Variants in PDE1A observed in about 807,000 individuals in gnomAD.
The protein encoded by PDE1A is dual specificity calcium/calmodulin-dependent 3',5'-cyclic nucleotide phosphodiesterase 1A.
PDE1A carries 35 observed loss-of-function variants against 61.7 expected under a neutral mutation model. The observed-to-expected ratio is 0.57, with a 90% CI of 0.43 to 0.75. PDE1A has a LOEUF of 0.75. PDE1A is among the 30% of genes least tolerant of loss of function. PDE1A has a pLI of 0.00. For missense variants in PDE1A, 597 were observed against 630.6 expected (o/e 0.95, Z 0.57); for synonymous variants, 232 against 213.2 (o/e 1.09, Z -0.77).
At position 182,198,603 on chromosome 2, in the gene PDE1A, T is replaced by C. The variant is rs185549661; in HGVS notation, c.1125+2836A>G. ...ATCTATAGGGTTGATAATTAATATA[T>C]TTTTTCCTTTATTTCCTTTAATATG... On this transcript the variant is annotated intron_variant, in intron 10 of 13. Transcript: ENST00000351439. Among the ~76,000 whole-genome samples the C allele has an allele frequency of 1.3e-4, 18 of 142,114 alleles. No individual in the cohort carries two copies. In the East Asian group the frequency reaches 1.5e-3, roughly 12 times the overall value. The allele number at this position is 142,114 out of a possible 152,430, so 93.2% of individuals were successfully genotyped here. A position where few individuals can be genotyped will look rare whatever the true frequency, so the allele number is the denominator to read the frequency against.
chr2:182,646,296 T>TAA, the PDE1A span, among the ~76,000 whole-genome samples: 1 of 114,370 alleles, frequency 8.7e-6, no homozygotes. Context: ...AAAAATACAT[T>TAA]AAAAAAAAAA....
chr2:182,258,457 A>T (rs1265544571), intron 2 of PDE1A, among the ~76,000 whole-genome samples: 1 of 152,232 alleles, frequency 6.6e-6, no homozygotes, highest in East Asian at 1.9e-4. Context: ...ACCATTCTCA[A>T]GAACTTTAGG....
In PDE1A at chr2:182,315,116, TC is replaced by T. The variant is rs1696252035; in HGVS notation, c.54-50703del. ...TGATTAATAATACTCCTTGATTAAT[TC>T]TTAAATTTTACCTTTTAAATTGTAA... On this transcript the variant is annotated intron_variant, in intron 1 of 13. Transcript: ENST00000351439. Among the ~76,000 whole-genome samples the T allele has an allele frequency of 1.3e-5, 2 of 152,198 alleles. 1 individual carries two copies. The highest frequency in any genetic ancestry group is 4.1e-4 in the South Asian group (2 of 4,830).
chr2:182,168,352 G>A, intron 13 of PDE1A: 1 of 1,420,352 alleles, frequency 7.0e-7, no homozygotes, highest in Non-Finnish European at 9.5e-7. Flanking sequence ...AAGAAGTTAT[G>A]AAAAAAAGTA....
chr2:182,628,177 T>C, the PDE1A span, among the ~76,000 whole-genome samples: 1 of 152,094 alleles, frequency 6.6e-6, no homozygotes, highest in Non-Finnish European at 1.5e-5. Flanking sequence ...AATCCGATTA[T>C]TGTTATCGCT....
At chr2:182,547,830 T>G in the PDE1A span, among the ~76,000 whole-genome samples, 1 of 152,240 alleles carries the variant, frequency 6.6e-6, no homozygotes, top group Non-Finnish European at 1.5e-5. Flanking sequence ...AATGGCATCA[T>G]GTGAATTAAC....
At chr2:182,304,749 C>T (rs1212458616) in intron 1 of PDE1A, among the ~76,000 whole-genome samples, 1 of 152,046 alleles carries the variant, frequency 6.6e-6, no homozygotes, top group East Asian at 1.9e-4. Context: ...TTGAGTTGGC[C>T]ATCTTATATG....
the PDE1A span, among the ~76,000 whole-genome samples, chr2:182,572,994 T>C: frequency 6.6e-6 from 1 of 152,124 alleles, no homozygotes; most frequent in African/African-American, 2.4e-5. Context: ...CTAACTTTCC[T>C]TTTTAGAGGA....
intron 2 of PDE1A, chr2:182,522,264 G>C (rs377330870): frequency 1.2e-4 from 186 of 1,606,140 alleles, no homozygotes; most frequent in Non-Finnish European, 1.5e-4. Context: ...AAAAAGCAAA[G>C]AGCATACTCA....
intron 1 of PDE1A, among the ~76,000 whole-genome samples, chr2:182,264,835 C>G (rs1055819180): frequency 2.4e-5 from 3 of 123,528 alleles, no homozygotes; most frequent in African/African-American, 9.5e-5. Flanking sequence ...ACCTAAGTGC[C>G]CATTGACCAA....
intron 2 of PDE1A, among the ~76,000 whole-genome samples, chr2:182,469,472 C>T (rs534175756): frequency 5.7e-4 from 87 of 152,022 alleles, no homozygotes; most frequent in African/African-American, 2.0e-3. Context: ...GGCCTTGCTC[C>T]GAATTAGGCT....
chr2:182,463,232 C>T (rs1368223540), intron 2 of PDE1A, among the ~76,000 whole-genome samples: 1 of 149,870 alleles, frequency 6.7e-6, no homozygotes, highest in Non-Finnish European at 1.5e-5. Flanking sequence ...AAGCGAGTCT[C>T]CATCTCAAAA....
chr2:182,429,817 T>G (rs562946513), upstream of PDE1A, among the ~76,000 whole-genome samples: 7 of 152,302 alleles, frequency 4.6e-5, no homozygotes, highest in East Asian at 1.4e-3. Flanking sequence ...GCTGTGTTTG[T>G]AATACACAAG....
chr2:182,629,366 T>C, the PDE1A span, among the ~76,000 whole-genome samples: 1 of 152,092 alleles, frequency 6.6e-6, no homozygotes, highest in Admixed American at 6.5e-5. Flanking sequence ...ACAAGAACAT[T>C]CCCCTTCTCT....
chr2:182,275,834 A>T (rs1265715747), intron 1 of PDE1A, among the ~76,000 whole-genome samples: 1 of 152,130 alleles, frequency 6.6e-6, no homozygotes, highest in Non-Finnish European at 1.5e-5. Flanking sequence ...TCAACCAGTC[A>T]TAACTTCTTA....
chr2:182,246,439 C>T (rs1169403356), intron 2 of PDE1A, among the ~76,000 whole-genome samples: 1 of 115,792 alleles, frequency 8.6e-6, no homozygotes, highest in Non-Finnish European at 1.6e-5. Context: ...AGTCTTGCTC[C>T]GTCGCTCAGG....
rs535091621 is a variant in PDE1A at position 182,406,449 on chromosome 2, CATTT to C, written c.53+20125_53+20128del. Among the ~76,000 whole-genome samples the C allele has an allele frequency of 6.6e-5, 10 of 152,000 alleles. No homozygotes were observed. The South Asian group carries it at 8.3e-4, about 13-fold the overall frequency. On this transcript the variant is annotated intron_variant, in intron 1 of 13. Transcript: ENST00000351439. ...ACATTTTAGGCGTTTGCTTATTATT[CATTT>C]GTCATCTGTTCTTTCATTCAGCAAG...
intron 2 of PDE1A, among the ~76,000 whole-genome samples, chr2:182,249,287 G>A (rs1316122778): frequency 1.3e-5 from 2 of 152,244 alleles, no homozygotes; most frequent in African/African-American, 4.8e-5. Flanking sequence ...TAGGAGACAG[G>A]CTTGGGGACC....
chr2:182,563,938 CTG>C, the PDE1A span, among the ~76,000 whole-genome samples: 7 of 152,128 alleles, frequency 4.6e-5, no homozygotes, highest in Non-Finnish European at 7.3e-5. Context: ...TATTTTGAGC[CTG>C]TGTGTGTCTC....
Sources: allele counts gnomAD v4.1 joint callset (sites outside exome capture counted in the v4.1 genomes callset), GRCh38; gene constraint gnomAD v4.1.1; transcripts MANE v1.5; gene names NCBI Gene and HGNC (gene_info 2026-07-23, HGNC 2026-07-21).